SPATS2: variants seen among roughly 807,000 people sequenced by gnomAD.
SPATS2 encodes the protein spermatogenesis associated serine rich 2, also known as spermatogenesis-associated serine-rich protein 2.
SPATS2 carries 38 observed loss-of-function variants against 63.7 expected under a neutral mutation model. That is an observed-to-expected ratio of 0.60 (90% confidence interval 0.46 to 0.78). The LOEUF is 0.78. Ranked by LOEUF, SPATS2 falls within the 30% of genes least tolerant of loss-of-function variation. The pLI, the probability that SPATS2 is intolerant of heterozygous loss-of-function variation, is 0.00. For missense variants in SPATS2, 588 were observed against 666.2 expected (o/e 0.88, Z 1.29); for synonymous variants, 207 against 232.9 (o/e 0.89, Z 1.01).
rs942963185 is a variant in SPATS2, at chr12:49,521,462, G to A, written c.1009-1289G>A. ...CTATATGATTAAATTTTATAGAAAG[G>A]CCTCCTCACATTGATGCCAGTCAGT... On this transcript the variant is annotated intron_variant, in intron 11 of 13. Transcript: ENST00000552918. Among the ~76,000 whole-genome samples the A allele has an allele frequency of 4.0e-5, 6 of 151,696 alleles. No homozygotes were observed. The South Asian group carries it at 6.3e-4, about 16-fold the overall frequency.
At chr12:49,368,260 C>A (rs915809601) in intron 1 of SPATS2, among the ~76,000 whole-genome samples, 1 of 152,140 alleles carries the variant, frequency 6.6e-6, no homozygotes, top group African/African-American at 2.4e-5. Context: ...GGAGTACAAG[C>A]CGTTCTTTAA....
At chr12:49,451,504 A>G (rs1945623148) in intron 2 of SPATS2, among the ~76,000 whole-genome samples, 2 of 152,208 alleles carry the variant, frequency 1.3e-5, no homozygotes, top group African/African-American at 4.8e-5. Context: ...TAAAACAGTA[A>G]TAATTAGTTG....
At chr12:49,485,214 C>T (rs1303985479) in intron 4 of SPATS2, among the ~76,000 whole-genome samples, 1 of 151,704 alleles carries the variant, frequency 6.6e-6, no homozygotes, top group African/African-American at 2.4e-5. Flanking sequence ...CTACAGGCGC[C>T]CACCACCATG....
chr12:49,385,357 A>AATGTGTGT (rs147449641), intron 2 of SPATS2, among the ~76,000 whole-genome samples: 1 of 141,986 alleles, frequency 7.0e-6, no homozygotes, highest in East Asian at 2.1e-4. Flanking sequence ...TAAGTATATA[A>AATGTGTGT]GTGTGTGTGT....
intron 2 of SPATS2, among the ~76,000 whole-genome samples, chr12:49,409,043 T>A (rs1273966316): frequency 6.6e-6 from 1 of 152,186 alleles, no homozygotes; most frequent in Non-Finnish European, 1.5e-5. Flanking sequence ...GGAATAATAA[T>A]AGTACATTTG....
At chr12:49,462,439 T>C (rs1190504965) in intron 3 of SPATS2, 1 of 702,264 alleles carries the variant, frequency 1.4e-6, no homozygotes, top group South Asian at 1.5e-5. Flanking sequence ...GTTACAGTGC[T>C]CTTCTGGCTC....
chr12:49,386,757 G>C (rs558519841), intron 2 of SPATS2, among the ~76,000 whole-genome samples: 5 of 152,300 alleles, frequency 3.3e-5, no homozygotes, highest in African/African-American at 9.6e-5. Context: ...ATCAGAAGCT[G>C]CTGGAGTTTG....
intron 2 of SPATS2, among the ~76,000 whole-genome samples, chr12:49,429,260 T>C (rs912372715): frequency 6.6e-6 from 1 of 152,212 alleles, no homozygotes; most frequent in Non-Finnish European, 1.5e-5. Context: ...GGTTTCTTTT[T>C]TTTATTAAAA....
At chr12:49,441,935 C>G (rs778233344) in intron 2 of SPATS2, 2 of 152,168 alleles carry the variant, frequency 1.3e-5, no homozygotes, top group Non-Finnish European at 2.9e-5. Flanking sequence ...AAAGATGTTA[C>G]AGAGCGCACA....
At chr12:49,419,971 C>G (rs1177648770) in intron 2 of SPATS2, among the ~76,000 whole-genome samples, 1 of 152,170 alleles carries the variant, frequency 6.6e-6, no homozygotes, top group East Asian at 1.9e-4. Flanking sequence ...GTTCTTGAGA[C>G]AGTCCTTTAT....
intron 2 of SPATS2, among the ~76,000 whole-genome samples, chr12:49,433,011 T>C (rs1298999135): frequency 6.6e-6 from 1 of 152,182 alleles, no homozygotes; most frequent in Non-Finnish European, 1.5e-5. Context: ...TAGTGGCCAT[T>C]ACCATTTTAC....
intron 2 of SPATS2, among the ~76,000 whole-genome samples, chr12:49,425,853 G>A (rs537308392): frequency 5.3e-5 from 8 of 151,972 alleles, no homozygotes; most frequent in African/African-American, 1.2e-4. Context: ...GGCTGGTCTC[G>A]AACTCCTGAC....
chr12:49,430,869 T>G (rs1257211375), intron 2 of SPATS2, among the ~76,000 whole-genome samples: 2 of 152,026 alleles, frequency 1.3e-5, no homozygotes, highest in Non-Finnish European at 2.9e-5. Flanking sequence ...CTGGCTAATT[T>G]TTGTATTTTT....
intron 6 of SPATS2, 101 bp from the exon 7 acceptor site, chr12:49,494,640 G>T: frequency 8.7e-7 from 1 of 1,144,000 alleles, no homozygotes; most frequent in Non-Finnish European, 1.2e-6. Flanking sequence ...ACAAGAAATT[G>T]GTAACATTGG....
chr12:49,381,038 T>C (rs1174984073), intron 2 of SPATS2, among the ~76,000 whole-genome samples: 1 of 142,782 alleles, frequency 7.0e-6, no homozygotes, highest in Admixed American at 6.7e-5. Context: ...TTCACATCCT[T>C]GTCAACATTT....
chr12:49,434,285 T>C (rs75699297), intron 2 of SPATS2, among the ~76,000 whole-genome samples: 1 of 152,144 alleles, frequency 6.6e-6, no homozygotes, highest in Admixed American at 6.5e-5. Context: ...GAAGTTTAAA[T>C]ATATACATAA....
chr12:49,485,203 A>G (rs1197730677), intron 4 of SPATS2, among the ~76,000 whole-genome samples: 7 of 150,482 alleles, frequency 4.7e-5, no homozygotes, highest in Admixed American at 1.3e-4. Flanking sequence ...AGTAGCTGGG[A>G]CTACAGGCGC....
intron 3 of SPATS2, among the ~76,000 whole-genome samples, chr12:49,465,675 G>C (rs907974599): frequency 6.6e-6 from 1 of 152,152 alleles, no homozygotes; most frequent in African/African-American, 2.4e-5. Context: ...CGGGCGCGGT[G>C]GCTCACAGCT....
At chr12:49,408,355 C>T (rs1479864721) in intron 2 of SPATS2, among the ~76,000 whole-genome samples, 4 of 151,266 alleles carry the variant, frequency 2.6e-5, no homozygotes, top group African/African-American at 9.7e-5. Context: ...TGGGCTCCAG[C>T]GATTCTCCTG....
Sources: gnomAD v4.1 joint callset for allele counts (sites outside exome capture counted in the v4.1 genomes callset) on GRCh38, gnomAD v4.1.1 for gene constraint, MANE v1.5 for transcripts, NCBI Gene and HGNC (gene_info 2026-07-23, HGNC 2026-07-21) for gene names.